Variants in XXYLT1 observed in about 807,000 individuals in gnomAD.
XXYLT1 encodes the protein UDP-xylose:alpha-xyloside alpha-1,3-xylosyltransferase.
Under a neutral mutation model 28.9 loss-of-function variants are expected in XXYLT1, and 20 were observed. The ratio of observed to expected loss-of-function variants is 0.69; its 90% confidence interval spans 0.49 to 1.00. The LOEUF is 1.00. XXYLT1 is among the 50% of genes least tolerant of loss of function. XXYLT1 has a pLI of 0.00. For missense variants in XXYLT1, 542 were observed against 560.1 expected, an observed-to-expected ratio of 0.97 and a Z score of 0.33; for synonymous variants, 257 against 253.8, an observed-to-expected ratio of 1.01 and a Z score of -0.12.
At position 195,156,477 on chromosome 3, in the gene XXYLT1, T is replaced by G; in HGVS notation, c.757A>C (p.Ile253Leu). 6.2e-7 allele frequency: 1 copy of G among 1,614,212 alleles called. No individual in the cohort carries two copies. Among genetic ancestry groups the G allele is most frequent in the Non-Finnish European group, 8.5e-7 (1 of 1,180,046 alleles). Residue 253 changes from isoleucine to leucine, a missense_variant, in exon 3 of 4, where the codon ATA becomes CTA. Ile to Leu is a conservative substitution (Grantham distance 5). Transcript: ENST00000310380. ...TAAACTGGCTGCATCTCCCGGGCTA[T>G]GCCGATGATGGCGCCTGGCAGGAAA... ...DSFLPGAIIG[I>L]AREMQPVYRH...
At chr3:195,267,496 G>A (rs1725880500) in intron 1 of XXYLT1, among the ~76,000 whole-genome samples, 1 of 152,154 alleles carries the variant, frequency 6.6e-6, no homozygotes, top group African/African-American at 2.4e-5. Flanking sequence ...TTCCAGCTCT[G>A]GCACAGCCAG....
chr3:195,190,980 G>A (rs73063157), intron 2 of XXYLT1, among the ~76,000 whole-genome samples: 2,053 of 152,092 alleles, frequency 0.013, 47 homozygotes, highest in African/African-American at 0.047. Context: ...AAAAATAACA[G>A]AGGTACAAAA....
At chr3:195,187,784 G>A (rs1722265874) in intron 2 of XXYLT1, among the ~76,000 whole-genome samples, 1 of 152,222 alleles carries the variant, frequency 6.6e-6, no homozygotes. Context: ...ACCCGGGGCT[G>A]AGGACATGCC....
At chr3:195,106,393 AC>A (rs1352951769) in intron 3 of XXYLT1, among the ~76,000 whole-genome samples, 4 of 149,026 alleles carry the variant, frequency 2.7e-5, no homozygotes, top group African/African-American at 1.0e-4. Context: ...CTCACCCCCA[AC>A]CCCCTGAAAG....
chr3:195,202,183 A>C (rs1012547161), intron 2 of XXYLT1, among the ~76,000 whole-genome samples: 1 of 152,172 alleles, frequency 6.6e-6, no homozygotes, highest in African/African-American at 2.4e-5. Context: ...TCTCAAAAAA[A>C]AAGAGTAGAC....
chr3:195,159,984 T>A (rs1720791738), intron 2 of XXYLT1, among the ~76,000 whole-genome samples: 1 of 151,936 alleles, frequency 6.6e-6, no homozygotes, highest in South Asian at 2.1e-4. Flanking sequence ...CGGCTCATCA[T>A]CAGCATCCAA....
At chr3:195,112,569 GC>G (rs1717810012) in intron 3 of XXYLT1, among the ~76,000 whole-genome samples, 1 of 143,308 alleles carries the variant, frequency 7.0e-6, no homozygotes, top group African/African-American at 2.6e-5. Context: ...ATGAAGCAGT[GC>G]ACACACACGC....
chr3:195,117,351 T>C (rs1718101996), intron 3 of XXYLT1, among the ~76,000 whole-genome samples: 1 of 152,212 alleles, frequency 6.6e-6, no homozygotes, highest in Non-Finnish European at 1.5e-5. Flanking sequence ...TCCTATGGAC[T>C]ACATTAGCAG....
At chr3:195,187,942 C>T (rs1165355597) in intron 2 of XXYLT1, among the ~76,000 whole-genome samples, 3 of 152,090 alleles carry the variant, frequency 2.0e-5, no homozygotes, top group Non-Finnish European at 4.4e-5. Context: ...AAAAGTAAAT[C>T]CCTCCTCTCT....
At chr3:195,201,808 A>T (rs1722859842) in intron 2 of XXYLT1, among the ~76,000 whole-genome samples, 1 of 152,198 alleles carries the variant, frequency 6.6e-6, no homozygotes, top group African/African-American at 2.4e-5. Context: ...ATTATGATTA[A>T]TTCCAAGTTT....
intron 3 of XXYLT1, among the ~76,000 whole-genome samples, chr3:195,155,827 C>A (rs573912014): frequency 6.6e-6 from 1 of 152,156 alleles, no homozygotes; most frequent in Non-Finnish European, 1.5e-5. Flanking sequence ...TGAATGAATG[C>A]GTTTTATTTA....
chr3:195,079,042 C>T (rs546988798), intron 3 of XXYLT1, among the ~76,000 whole-genome samples: 10 of 152,316 alleles, frequency 6.6e-5, no homozygotes, highest in African/African-American at 2.4e-4. Context: ...CTCATCAGAC[C>T]CTTGGAAGCT....
At chr3:195,200,812 G>C (rs766367211) in intron 2 of XXYLT1, among the ~76,000 whole-genome samples, 2 of 152,158 alleles carry the variant, frequency 1.3e-5, no homozygotes, top group Non-Finnish European at 2.9e-5. Context: ...GGAATGCTGG[G>C]CTCTGGCCTG....
At chr3:195,110,836 G>GTTGTGTTGT (rs1560101689) in intron 3 of XXYLT1, among the ~76,000 whole-genome samples, 1 of 46,526 alleles carries the variant, frequency 2.1e-5, no homozygotes, top group Non-Finnish European at 5.0e-5. Flanking sequence ...GTGTGTGTGT[G>GTTGTGTTGT]GTGTGTTGTG....
In XXYLT1 at chr3:195,109,846, GTA is replaced by G. The variant is rs1308443322; in HGVS notation, c.786-39737_786-39736del. ...GTGTATGAGTGTGCGTGTGTGTGGTGTATGTGTGCCTGTGTGTGTGGTGTATG... is the reference window on the plus strand; with the variant it reads ...GTGTATGAGTGTGCGTGTGTGTGGTGTGTGTGCCTGTGTGTGTGGTGTATG... On this transcript the variant is annotated intron_variant, in intron 3 of 3. Transcript: ENST00000310380. 9.0e-5 allele frequency among the ~76,000 whole-genome samples: 6 copies of G among 66,490 alleles called. 2 individuals are homozygous for G. Among genetic ancestry groups the G allele is most frequent in the Non-Finnish European group, 2.1e-4 (6 of 28,760 alleles). The allele number at this position is 66,490 out of a possible 152,430, so 43.6% of individuals were successfully genotyped here.
intron 2 of XXYLT1, among the ~76,000 whole-genome samples, chr3:195,208,157 C>T (rs1468308673): frequency 6.6e-6 from 1 of 152,224 alleles, no homozygotes; most frequent in African/African-American, 2.4e-5. Context: ...AGGCTGCCCA[C>T]CACATACCCC....
intron 3 of XXYLT1, among the ~76,000 whole-genome samples, chr3:195,105,661 C>T (rs890906441): frequency 3.3e-5 from 5 of 152,204 alleles, no homozygotes; most frequent in South Asian, 2.1e-4. Flanking sequence ...TCTGCGCCTC[C>T]GCGTCCACTC....
chr3:195,120,780 GAC>G (rs1272995077), intron 3 of XXYLT1, among the ~76,000 whole-genome samples: 1 of 152,218 alleles, frequency 6.6e-6, no homozygotes, highest in Non-Finnish European at 1.5e-5. Flanking sequence ...CGGAGGGGAA[GAC>G]AAGGCAAGCT....
rs150474651 is a variant in XXYLT1, at chr3:195,195,125, TA to T, written c.652+31583del. On this transcript the variant is annotated intron_variant, in intron 2 of 3. Transcript: ENST00000310380. The surrounding 1 kb of genome is among the most constrained non-coding windows in gnomAD (Gnocchi z 4.4). ...GTACATAAAAATTCTCTTTAAACCA[TA>T]AAACAGCAGCTGTTACTACAATGGT... Among the ~76,000 whole-genome samples, 2,638 of 152,156 alleles carry T rather than the reference TA, an allele frequency of 0.017. 77 individuals are homozygous for T. Among genetic ancestry groups the T allele is most frequent in the African/African-American group, 0.059 (2,436 of 41,476 alleles).
Sources: gnomAD v4.1 joint callset for allele counts (sites outside exome capture counted in the v4.1 genomes callset) on GRCh38, gnomAD v4.1.1 for gene constraint, Gnocchi (gnomAD v3.1) non-coding constraint, MANE v1.5 for transcripts, NCBI Gene and HGNC (gene_info 2026-07-23, HGNC 2026-07-21) for gene names.